EEF2K: variants seen among roughly 807,000 people sequenced by gnomAD.
The protein encoded by EEF2K is eukaryotic elongation factor 2 kinase, also known as alternative protein EEF2K.
In EEF2K, 70 loss-of-function variants were observed where a neutral mutation model predicts 93.8. That is an observed-to-expected ratio of 0.75 (90% confidence interval 0.62 to 0.91). EEF2K has a LOEUF of 0.91. Ranked by LOEUF, EEF2K falls within the 40% of genes least tolerant of loss-of-function variation. The pLI is 0.00. For synonymous variants in EEF2K, 376 were observed against 380.8 expected, an observed-to-expected ratio of 0.99 and a Z score of 0.15; for missense variants, 935 against 972.9, an observed-to-expected ratio of 0.96 and a Z score of 0.52.
In EEF2K at chr16:22,226,517, C is replaced by CTTTTTTTT. The variant is rs553013823; in HGVS notation, c.246+550_246+557dup. ...CTTTTTCTTTCTTTTCCTTCTTCTT[C>CTTTTTTTT]TTTTTTTTTTTTTTTATAAACGTGG... On this transcript the variant is annotated intron_variant, in intron 2 of 17. Transcript: ENST00000263026. Among the ~76,000 whole-genome samples, 222 of 106,840 alleles carry CTTTTTTTT rather than the reference C, an allele frequency of 2.1e-3. 5 individuals carry two copies. Among genetic ancestry groups the CTTTTTTTT allele is most frequent in the East Asian group, 0.012 (35 of 2,994 alleles). The allele number at this position is 106,840 out of a possible 152,430, so 70.1% of individuals were successfully genotyped here. A position where few individuals can be genotyped will look rare whatever the true frequency, so the allele number is the denominator to read the frequency against.
In EEF2K at chr16:22,225,654, G is replaced by T; in HGVS notation, c.-76G>T. On this transcript the variant is annotated splice_region_variant and 5_prime_UTR_variant, in exon 2 of 18. Transcript: ENST00000263026. Reference sequence around the variant, plus strand: ...TCTCTGGCCCTTGCTTTCCTTGTAGGACCTTCGCCTCTGCATTTGTCCAGT... The same window carrying T: ...TCTCTGGCCCTTGCTTTCCTTGTAGTACCTTCGCCTCTGCATTTGTCCAGT... The T allele has an allele frequency of 6.4e-7, 1 of 1,561,904 alleles. No homozygotes were observed. Among genetic ancestry groups the T allele is most frequent in the Non-Finnish European group, 8.7e-7 (1 of 1,154,724 alleles).
At chr16:22,273,565 G>T (rs954128373) in intron 15 of EEF2K, 61 bp from the exon 16 acceptor site, 4 of 1,588,352 alleles carry the variant, frequency 2.5e-6, no homozygotes, top group Non-Finnish European at 3.4e-6. Flanking sequence ...TGAGATCTTG[G>T]CAGCCCTCGA....
chr16:22,260,220 A>G (rs1309865497), intron 10 of EEF2K, among the ~76,000 whole-genome samples: 4 of 152,216 alleles, frequency 2.6e-5, no homozygotes, highest in Non-Finnish European at 5.9e-5. Flanking sequence ...GAGGACACAC[A>G]TAGGTGACAC....
intron 10 of EEF2K, among the ~76,000 whole-genome samples, chr16:22,259,746 T>G (rs1598194751): frequency 6.7e-6 from 1 of 149,172 alleles, no homozygotes. Flanking sequence ...TGGTTGGTGT[T>G]TTTTTTTTGT....
chr16:22,236,267 C>T (rs540592888), intron 2 of EEF2K, among the ~76,000 whole-genome samples: 2 of 152,016 alleles, frequency 1.3e-5, no homozygotes, highest in South Asian at 4.2e-4. Flanking sequence ...TTATTTGAGC[C>T]CTTGAGTTTG....
intron 16 of EEF2K, among the ~76,000 whole-genome samples, chr16:22,279,236 CTTTTT>C (rs143168233): frequency 7.4e-6 from 1 of 135,232 alleles, no homozygotes; most frequent in African/African-American, 2.7e-5. Flanking sequence ...CTTGACTCCT[CTTTTT>C]TTTTTTTTTT....
intron 15 of EEF2K, among the ~76,000 whole-genome samples, chr16:22,271,386 T>C (rs921966153): frequency 3.9e-5 from 6 of 152,082 alleles, no homozygotes; most frequent in African/African-American, 1.4e-4. Flanking sequence ...TATTAAATTT[T>C]GCTAATTTAA....
At chr16:22,224,247 G>A (rs566281757) in intron 1 of EEF2K, among the ~76,000 whole-genome samples, 1 of 152,256 alleles carries the variant, frequency 6.6e-6, no homozygotes, top group South Asian at 2.1e-4. Context: ...CCTTCATTCT[G>A]GGAAAGTGCA....
At chr16:22,280,755 C>T (rs1352309927) in intron 17 of EEF2K, among the ~76,000 whole-genome samples, 2 of 151,758 alleles carry the variant, frequency 1.3e-5, no homozygotes, top group Non-Finnish European at 2.9e-5. Context: ...GCCTCCACCT[C>T]CCGAGTTCCA....
intron 2 of EEF2K, among the ~76,000 whole-genome samples, chr16:22,236,558 G>A (rs1366189222): frequency 6.6e-6 from 1 of 151,976 alleles, no homozygotes; most frequent in Non-Finnish European, 1.5e-5. Flanking sequence ...AACATGAAGT[G>A]ACTGTAACAG....
At chr16:22,264,604 C>T (rs1261859808) in intron 12 of EEF2K, among the ~76,000 whole-genome samples, 1 of 152,206 alleles carries the variant, frequency 6.6e-6, no homozygotes, top group Admixed American at 6.5e-5. Context: ...GTGACTGCAC[C>T]AGCGTTGTCA....
chr16:22,215,882 G>A (rs531699293), intron 1 of EEF2K, among the ~76,000 whole-genome samples: 62 of 152,258 alleles, frequency 4.1e-4, no homozygotes, highest in Non-Finnish European at 6.6e-4. Flanking sequence ...CCGAGATCAC[G>A]CCACTGCACT....
chr16:22,242,440 C>G (rs893631979), intron 2 of EEF2K, among the ~76,000 whole-genome samples: 6 of 151,956 alleles, frequency 3.9e-5, no homozygotes, highest in Admixed American at 2.0e-4. Flanking sequence ...CCTGCCTCAG[C>G]CTCCCGAGTA....
chr16:22,222,832 G>A (rs540326382), intron 1 of EEF2K, among the ~76,000 whole-genome samples: 5 of 151,948 alleles, frequency 3.3e-5, no homozygotes, highest in East Asian at 3.9e-4. Flanking sequence ...ACAGTGAGCC[G>A]AGATTGTGCC....
chr16:22,213,619 T>C (rs529643688), intron 1 of EEF2K, among the ~76,000 whole-genome samples: 1 of 152,348 alleles, frequency 6.6e-6, no homozygotes, highest in East Asian at 1.9e-4. Flanking sequence ...TATCTTATAG[T>C]TCCTGGGGAT....
rs1335497098 is a variant in EEF2K, at chr16:22,284,116, C to G, written c.*120C>G. ...AGCATTTTTAAGTGTGTTGTAAAAT[C>G]AAATTTTATATTTCATTTTTTGACT... On this transcript the variant is annotated 3_prime_UTR_variant, in exon 18 of 18. Coordinates refer to ENST00000263026, the MANE Select transcript of EEF2K (RefSeq NM_013302.5). 1 of 894,138 alleles carries G rather than the reference C, an allele frequency of 1.1e-6. No individual in the cohort carries two copies. Among genetic ancestry groups the G allele is most frequent in the African/African-American group, 1.7e-5 (1 of 58,876 alleles). 55.4% of individuals were successfully genotyped at this position (894,138 alleles called of 1,614,324 possible).
At chr16:22,221,206 G>T (rs1177355827) in intron 1 of EEF2K, among the ~76,000 whole-genome samples, 1 of 152,156 alleles carries the variant, frequency 6.6e-6, no homozygotes, top group Non-Finnish European at 1.5e-5. Flanking sequence ...GCAAGAGTGG[G>T]CCAAACACAG....
intron 2 of EEF2K, among the ~76,000 whole-genome samples, chr16:22,226,815 C>T (rs2047069509): frequency 6.6e-6 from 1 of 152,198 alleles, no homozygotes; most frequent in Admixed American, 6.5e-5. Flanking sequence ...GTGTCTCACA[C>T]CTGTGATGCC....
At chr16:22,228,346 G>A (rs1285502395) in intron 2 of EEF2K, among the ~76,000 whole-genome samples, 3 of 152,056 alleles carry the variant, frequency 2.0e-5, no homozygotes, top group Non-Finnish European at 2.9e-5. Flanking sequence ...ACTGTGGGCT[G>A]GGCGCGACGG....
Sources: allele counts gnomAD v4.1 joint callset (sites outside exome capture counted in the v4.1 genomes callset), GRCh38; gene constraint gnomAD v4.1.1; transcripts MANE v1.5; gene names NCBI Gene and HGNC (gene_info 2026-07-23, HGNC 2026-07-21).